The following COL25A1 variants were observed in gnomAD, a reference collection of about 807,000 sequenced individuals.
The protein encoded by COL25A1 is collagen type XXV alpha 1 chain.
In COL25A1, 103 loss-of-function variants were observed where a neutral mutation model predicts 128.4. The ratio of observed to expected loss-of-function variants is 0.80; its 90% CI spans 0.68 to 0.94. COL25A1 has a LOEUF of 0.94. Ranked by LOEUF, COL25A1 falls within the 40% of genes least tolerant of loss-of-function variation. The probability of loss-of-function intolerance (pLI) is 0.00; values close to 1 mark genes in which losing one functional copy is unlikely to be tolerated. For synonymous variants in COL25A1, 279 were observed against 277.2 expected, an observed-to-expected ratio of 1.01 and a Z score of -0.06; for missense variants, 745 against 840.0, an observed-to-expected ratio of 0.89 and a Z score of 1.40.
At chr4:109,179,229 G>T (rs983204616) in intron 3 of COL25A1, among the ~76,000 whole-genome samples, 1 of 152,132 alleles carries the variant, frequency 6.6e-6, no homozygotes, top group African/African-American at 2.4e-5. Flanking sequence ...CTCCAAGCTG[G>T]CAAGAGAAGC....
intron 6 of COL25A1, among the ~76,000 whole-genome samples, chr4:108,982,052 G>A (rs1578970602): frequency 6.6e-6 from 1 of 151,710 alleles, no homozygotes; most frequent in Non-Finnish European, 1.5e-5. Flanking sequence ...AAATTAGCCA[G>A]GCGTGGTGGC....
Position 108,935,634 on chromosome 4 carries a change from A to C in COL25A1, c.708+2174T>G, listed in dbSNP as rs146379629. ...AGTCAAGAAAAGTTTGTAGAAAAAA[A>C]AAACCAGTATTGTTTCACCTGAGAA... On this transcript the variant is annotated intron_variant, in intron 11 of 37. Transcript: ENST00000399132. Among the ~76,000 whole-genome samples, 127 of 152,304 alleles carry C rather than the reference A, an allele frequency of 8.3e-4. 3 individuals are homozygous for C. In the East Asian group the frequency reaches 0.023, roughly 27 times the overall value.
At chr4:108,914,046 A>T (rs1744577695) in intron 13 of COL25A1, among the ~76,000 whole-genome samples, 1 of 152,236 alleles carries the variant, frequency 6.6e-6, no homozygotes, top group South Asian at 2.1e-4. Flanking sequence ...GTTCAATATA[A>T]TTAGCCAAAG....
chr4:109,054,155 A>G (rs554851884), intron 3 of COL25A1, among the ~76,000 whole-genome samples: 2 of 152,288 alleles, frequency 1.3e-5, no homozygotes, highest in African/African-American at 2.4e-5. Flanking sequence ...TTGTGATTCT[A>G]TTTGAGAATT....
intron 3 of COL25A1, among the ~76,000 whole-genome samples, chr4:109,086,133 G>T (rs1764348769): frequency 2.0e-5 from 3 of 152,214 alleles, no homozygotes. Context: ...AAGAAATTCA[G>T]TTCCTGCTGT....
chr4:108,846,029 A>C, intron 28 of COL25A1, 110 bp downstream of exon 28: 1 of 675,350 alleles, frequency 1.5e-6, no homozygotes, highest in African/African-American at 1.8e-5. Flanking sequence ...ATATGAGATG[A>C]ACCACTAGAT....
intron 8 of COL25A1, among the ~76,000 whole-genome samples, chr4:108,951,095 G>A (rs1272654566): frequency 6.6e-6 from 1 of 152,154 alleles, no homozygotes; most frequent in East Asian, 1.9e-4. Flanking sequence ...AGGAAATTCT[G>A]GTAAGGTGAG....
intron 3 of COL25A1, among the ~76,000 whole-genome samples, chr4:109,242,653 A>G (rs987601033): frequency 6.6e-6 from 1 of 152,132 alleles, no homozygotes; most frequent in African/African-American, 2.4e-5. Context: ...TTAGACACCA[A>G]CACTTTTATA....
At chr4:109,091,757 A>G (rs1386358341) in intron 3 of COL25A1, among the ~76,000 whole-genome samples, 1 of 152,036 alleles carries the variant, frequency 6.6e-6, no homozygotes, top group Non-Finnish European at 1.5e-5. Flanking sequence ...GCCCTGTACA[A>G]TACTGTAATC....
intron 2 of COL25A1, among the ~76,000 whole-genome samples, chr4:109,301,177 C>T (rs981514407): frequency 4.6e-5 from 7 of 151,808 alleles, no homozygotes; most frequent in African/African-American, 1.7e-4. Context: ...ATAAATACCC[C>T]GGCACTGCAT....
chr4:108,844,399 A>G (rs1734831393), intron 30 of COL25A1, 120 bp downstream of exon 30: 2 of 1,540,380 alleles, frequency 1.3e-6, no homozygotes, highest in Non-Finnish European at 1.8e-6. Flanking sequence ...GGTATTTTCC[A>G]TCCATTCCAC....
intron 3 of COL25A1, among the ~76,000 whole-genome samples, chr4:109,119,659 A>G (rs1221664732): frequency 1.3e-5 from 2 of 152,038 alleles, no homozygotes; most frequent in Non-Finnish European, 2.9e-5. Context: ...CTCTTCCAAA[A>G]CAGCACCAAA....
intron 3 of COL25A1, among the ~76,000 whole-genome samples, chr4:109,172,859 T>C (rs2126133586): frequency 6.6e-6 from 1 of 152,304 alleles, no homozygotes; most frequent in East Asian, 1.9e-4. Context: ...TAATGGAAGA[T>C]TCATCATGGG....
chr4:109,147,555 G>A (rs998092338), intron 3 of COL25A1, among the ~76,000 whole-genome samples: 6 of 152,102 alleles, frequency 3.9e-5, no homozygotes, highest in African/African-American at 7.2e-5. Context: ...GGTGGTTCAC[G>A]TCTGTAATCC....
intron 6 of COL25A1, among the ~76,000 whole-genome samples, chr4:108,999,656 C>T (rs4956233): frequency 0.8 from 121,006 of 152,114 alleles, 49,306 homozygotes; most frequent in East Asian, 1. Context: ...ACTATAAAGA[C>T]ACATGCACAC....
chr4:108,847,412 T>C (rs1460365851), intron 27 of COL25A1, among the ~76,000 whole-genome samples: 1 of 152,112 alleles, frequency 6.6e-6, no homozygotes, highest in African/African-American at 2.4e-5. Context: ...GAACTTTTCT[T>C]GTTAACTGTT....
chr4:109,183,571 C>G (rs1298383416), intron 3 of COL25A1, among the ~76,000 whole-genome samples: 2 of 152,086 alleles, frequency 1.3e-5, no homozygotes, highest in Non-Finnish European at 2.9e-5. Flanking sequence ...GTAGATGTAG[C>G]AAGTGCAGTA....
intron 3 of COL25A1, among the ~76,000 whole-genome samples, chr4:109,179,053 AGTT>A (rs1465570822): frequency 6.6e-6 from 1 of 151,914 alleles, no homozygotes; most frequent in East Asian, 1.9e-4. Context: ...AAAAAAAAAA[AGTT>A]GTCCTAAAAT....
intron 3 of COL25A1, among the ~76,000 whole-genome samples, chr4:109,186,566 T>C (rs1375069328): frequency 2.0e-5 from 3 of 152,202 alleles, no homozygotes; most frequent in Non-Finnish European, 4.4e-5. Context: ...TCTAGCAGTT[T>C]CAGGAATTCT....
Sources: allele counts gnomAD v4.1 joint callset (sites outside exome capture counted in the v4.1 genomes callset), GRCh38; gene constraint gnomAD v4.1.1; transcripts MANE v1.5; gene names NCBI Gene and HGNC (gene_info 2026-07-23, HGNC 2026-07-21).